Variants in OTUD5 observed in about 807,000 individuals in gnomAD.
OTUD5 encodes OTU domain-containing protein 5.
A neutral mutation model predicts 36.3 loss-of-function variants in OTUD5; 2 were observed. The observed-to-expected ratio is 0.06, with a 90% CI of 0.02 to 0.17. The LOEUF is 0.17. Ranked by LOEUF, OTUD5 falls within the 10% of genes least tolerant of loss-of-function variation. OTUD5 has a pLI of 1.00. For missense variants in OTUD5, 233 were observed against 512.3 expected (o/e 0.45, Z 5.26); for synonymous variants, 234 against 214.9 (o/e 1.09, Z -0.78).
chrX:48,941,648 G>A (rs936549655), intron 2 of OTUD5, among the ~76,000 whole-genome samples: 24 of 110,176 alleles, frequency 2.2e-4, no homozygotes, highest in African/African-American at 7.9e-4. Context: ...AGGGGTCAAG[G>A]AAACAGTGCC....
chrX:48,938,003 T>G (rs1408681649), intron 2 of OTUD5, among the ~76,000 whole-genome samples: 1 of 112,272 alleles, frequency 8.9e-6, no homozygotes, highest in African/African-American at 3.2e-5. Flanking sequence ...TCTAGGCCGT[T>G]AGTTCTAACA....
At chrX:48,953,845 A>C (rs1557054443) in intron 1 of OTUD5, among the ~76,000 whole-genome samples, 1 of 111,180 alleles carries the variant, frequency 9.0e-6, no homozygotes, top group African/African-American at 3.3e-5. Flanking sequence ...AAGTAGTCAG[A>C]ACCCCAGAAT....
At chrX:48,938,314 AG>A (rs1284961597) in intron 2 of OTUD5, among the ~76,000 whole-genome samples, 1 of 112,044 alleles carries the variant, frequency 8.9e-6, no homozygotes, top group African/African-American at 3.2e-5. Context: ...TACCCCAACA[AG>A]GGAGAATAGA....
intron 6 of OTUD5, among the ~76,000 whole-genome samples, chrX:48,924,931 T>A (rs1482413219): frequency 9.0e-6 from 1 of 111,599 alleles, no homozygotes; most frequent in Non-Finnish European, 1.9e-5. Flanking sequence ...TGTATCCCCA[T>A]ATACTGAAAA....
At position 48,951,148 on chromosome X, in the gene OTUD5, T is replaced by TG. The variant is rs782125985; in HGVS notation, c.594+5828dup. ...AGCTGCCACTGAAGTGGGGGTGGGG[T>TG]GGGGGGGCAAAAGATGGCAGCAGCA... On this transcript the variant is annotated intron_variant, in intron 1 of 8. Coordinates refer to ENST00000376488, the MANE Select transcript of OTUD5 (RefSeq NM_001136157.2). Among the ~76,000 whole-genome samples, 50 of 33,069 alleles carry TG rather than the reference T, an allele frequency of 1.5e-3. No individual in the cohort carries two copies. In the East Asian group the frequency reaches 0.018, roughly 12 times the overall value. 28.7% of individuals were successfully genotyped at this position (33,069 alleles called of 115,157 possible).
chrX:48,934,971 G>A lies in OTUD5; in HGVS notation c.736C>T (p.His246Tyr), dbSNP rs1557049599. 1 of 1,211,119 alleles carries A rather than the reference G, an allele frequency of 8.3e-7. No individual in the cohort carries two copies. The highest frequency in any genetic ancestry group is 1.1e-6 in the Non-Finnish European group (1 of 894,808). The change falls in exon 3 of 9, where the codon CAT becomes TAT. Residue 246 changes from histidine (H) to tyrosine (Y), a missense_variant. Coordinates refer to ENST00000376488, the MANE Select transcript of OTUD5 (RefSeq NM_001136157.2). ...DQDMHEVVRK[H>Y]CMDYLMKNAD... The stretch of plus-strand genomic sequence containing the variant: ...TTTCTCACCAGATAGTCCATGCAAT[G>A]CTTTCGCACAACCTCATGCATGTCC...
chrX:48,935,938 CAAAAAAAAAAAA>C (rs3030315), intron 2 of OTUD5, among the ~76,000 whole-genome samples: 1 of 37,101 alleles, frequency 2.7e-5, no homozygotes, highest in Non-Finnish European at 4.9e-5. Context: ...GACTCTGTCT[CAAAAAAAAAAAA>C]AAAAAAAAAA....
At chrX:48,955,516 A>ATG (rs1202226450) in intron 1 of OTUD5, among the ~76,000 whole-genome samples, 1 of 111,436 alleles carries the variant, frequency 9.0e-6, no homozygotes, top group Non-Finnish European at 1.9e-5. Context: ...TCACCAAGGT[A>ATG]TGTATGAGTC....
intron 5 of OTUD5, among the ~76,000 whole-genome samples, chrX:48,926,730 T>C (rs1648509788): frequency 9.0e-6 from 1 of 111,295 alleles, no homozygotes; most frequent in Non-Finnish European, 1.9e-5. Context: ...CATGAGCAGA[T>C]GAGACACATA....
chrX:48,934,578 G>A lies in OTUD5; in HGVS notation c.945C>T (p.Asn315=), dbSNP rs191184824. 7 of 1,210,556 alleles carry A rather than the reference G, an allele frequency of 5.8e-6. No homozygotes were observed. Among genetic ancestry groups the A allele is most frequent in the East Asian group, 5.9e-5 (2 of 33,840 alleles). ...PINTFHGIHQ[N]EDEPIRVSYH... is the part of the protein sequence containing the mutation. ...AGCTAACACGAATGGGTTCGTCCTC[G>A]TTTTGATGTATCCCATGGAATGTGT... The change falls in exon 5 of 9, where the codon AAC becomes AAT. Residue 315 remains asparagine (N), a synonymous_variant. Transcript: ENST00000376488.
chrX:48,923,018 G>A lies in OTUD5; in HGVS notation c.*156C>T. On this transcript the variant is annotated 3_prime_UTR_variant, in exon 9 of 9. Transcript: ENST00000376488. ...GGCAGCGGCAATGAGAGAGAGTGCAGGGGTGGGCTAGCCAGAGGGAAGTGA... is the reference window on the plus strand; with the variant it reads ...GGCAGCGGCAATGAGAGAGAGTGCAAGGGTGGGCTAGCCAGAGGGAAGTGA... 6.2e-6 allele frequency: 7 copies of A among 1,127,341 alleles called. No individual in the cohort carries two copies. Among genetic ancestry groups the A allele is most frequent in the Non-Finnish European group, 8.2e-6 (7 of 855,620 alleles). 92.9% of individuals were successfully genotyped at this position (1,127,341 alleles called of 1,213,427 possible).
chrX:48,947,975 T>C (rs781937530), intron 1 of OTUD5, among the ~76,000 whole-genome samples: 1 of 112,352 alleles, frequency 8.9e-6, no homozygotes, highest in East Asian at 2.8e-4. Flanking sequence ...ACCTGCCCCA[T>C]GCCAGATGCA....
intron 1 of OTUD5, among the ~76,000 whole-genome samples, chrX:48,953,699 A>G (rs2064184807): frequency 9.0e-6 from 1 of 111,099 alleles, no homozygotes; most frequent in Admixed American, 9.6e-5. Flanking sequence ...ACCTTTTCAT[A>G]GAGCAGACTC....
intron 2 of OTUD5, among the ~76,000 whole-genome samples, chrX:48,942,232 TACACACACACATAC>T (rs2147622814): frequency 5.0e-5 from 1 of 19,881 alleles, no homozygotes; most frequent in African/African-American, 1.3e-4. Context: ...GCTAGCTAGA[TACACACACACATAC>T]ACACACACAC....
At chrX:48,944,074 G>A (rs1167108228) in intron 2 of OTUD5, 116 bp downstream of exon 2, 4 of 490,931 alleles carry the variant, frequency 8.1e-6, no homozygotes, top group Non-Finnish European at 1.4e-5. Flanking sequence ...CTGGAGCCTA[G>A]AGTCCCTAAA....
At chrX:48,933,409 T>A (rs1445891126) in intron 5 of OTUD5, among the ~76,000 whole-genome samples, 5 of 75,077 alleles carry the variant, frequency 6.7e-5, no homozygotes, top group Non-Finnish European at 1.3e-4. Context: ...CTGTAATATA[T>A]TTGTAACTTT....
chrX:48,957,868 G>C (rs1479129231), upstream of OTUD5: 13 of 719,796 alleles, frequency 1.8e-5, no homozygotes, highest in African/African-American at 2.3e-5. Flanking sequence ...TGCTACGCTT[G>C]TTCCGGCCTT....
In OTUD5 at chrX:48,934,675, C is replaced by G. The variant is rs1207978420; in HGVS notation, c.910+36G>C. ...CCAGGTTGGGCAGGCTCGAATGAGG[C>G]ACCATCTTTCCCTCACCTACCCACT... is the stretch of plus-strand genomic sequence containing the variant. On this transcript the variant is annotated intron_variant, in intron 4 of 8. Transcript: ENST00000376488. 4.2e-6 allele frequency: 5 copies of G among 1,203,814 alleles called. No homozygotes were observed. The African/African-American group carries it at 7.0e-5, about 17-fold the overall frequency.
chrX:48,933,733 T>C (rs2063790845), intron 5 of OTUD5, among the ~76,000 whole-genome samples: 1 of 112,211 alleles, frequency 8.9e-6, no homozygotes, highest in African/African-American at 3.2e-5. Flanking sequence ...GCAGTAATTC[T>C]GTAAATCTAA....
Sources: gnomAD v4.1 joint callset for allele counts (sites outside exome capture counted in the v4.1 genomes callset) on GRCh38, gnomAD v4.1.1 for gene constraint, MANE v1.5 for transcripts, NCBI Gene and HGNC (gene_info 2026-07-23, HGNC 2026-07-21) for gene names.